Variants in MGAT4C observed in about 807,000 individuals in gnomAD.
MGAT4C encodes MGAT4 family member C.
Under a neutral mutation model 40.1 loss-of-function variants are expected in MGAT4C, and 19 were observed. The ratio of observed to expected loss-of-function variants is 0.47; its 90% CI spans 0.33 to 0.70. MGAT4C has a LOEUF of 0.70. Among genes scored for constraint, MGAT4C ranks in the 30% least tolerant of loss-of-function variants. The probability of loss-of-function intolerance (pLI) is 0.02; values close to 1 mark genes in which losing one functional copy is unlikely to be tolerated. For missense variants in MGAT4C, 491 were observed against 563.2 expected (o/e 0.87, Z 1.30); for synonymous variants, 181 against 187.1 (o/e 0.97, Z 0.27).
At chr12:86,361,360 T>C (rs1337027407) in intron 3 of MGAT4C, among the ~76,000 whole-genome samples, 66 of 152,164 alleles carry the variant, frequency 4.3e-4, no homozygotes, top group Non-Finnish European at 4.4e-5. Context: ...GACTTAAATG[T>C]TAGACCTAAA....
In MGAT4C at chr12:86,602,651, T is replaced by C. The variant is rs117142125; in HGVS notation, c.-229+124558A>G. Among the ~76,000 whole-genome samples, 67 of 152,316 alleles carry C rather than the reference T, an allele frequency of 4.4e-4. No homozygotes were observed. The East Asian group carries it at 0.012, about 27-fold the overall frequency. On this transcript the variant is annotated intron_variant, in intron 2 of 7. Transcript: ENST00000548651. ...AAAGTTATTTAAACTCTGCAGGAAT[T>C]ACTTTTTTAAATGTTTTCTGAACCT...
Position 86,401,157 on chromosome 12 carries a change from AT to A in MGAT4C, c.-120+33999del, listed in dbSNP as rs571663505. On this transcript the variant is annotated intron_variant, in intron 3 of 7. Transcript: ENST00000548651. ...AACTTAAATATTTTTGAACTCATGG[AT>A]TTTTTTTTATTTTTGGGTGTAAAAT... is the stretch of plus-strand genomic sequence containing the variant. Among the ~76,000 whole-genome samples, 768 of 151,182 alleles carry A rather than the reference AT, an allele frequency of 5.1e-3. 3 individuals carry two copies. Among genetic ancestry groups the A allele is most frequent in the Non-Finnish European group, 8.6e-3 (579 of 67,712 alleles).
At chr12:86,347,515 C>T (rs1312190083) in intron 3 of MGAT4C, among the ~76,000 whole-genome samples, 1 of 152,082 alleles carries the variant, frequency 6.6e-6, no homozygotes, top group Non-Finnish European at 1.5e-5. Flanking sequence ...GGAACAAATC[C>T]CGTTTGTCTC....
chr12:86,164,330 C>CT (rs994088894), intron 1 of MGAT4C, among the ~76,000 whole-genome samples: 3 of 152,274 alleles, frequency 2.0e-5, no homozygotes, highest in Middle Eastern at 3.4e-3. Flanking sequence ...TGTCCAATAT[C>CT]TTTAAAATTG....
Position 86,408,479 on chromosome 12 carries a change from C to CTCTCTATATA in MGAT4C, c.-120+26677_-120+26678insTATATAGAGA, listed in dbSNP as rs1267344319. ...TCTCTCTCTCTCTCTCTCTCTCTCTCTATATATATATATATATATATATAT... is the reference window on the plus strand; with the variant it reads ...TCTCTCTCTCTCTCTCTCTCTCTCTCTCTCTATATATATATATATATATATATATATATAT... On this transcript the variant is annotated intron_variant, in intron 3 of 7. Transcript: ENST00000548651. Among the ~76,000 whole-genome samples, 46 of 63,340 alleles carry CTCTCTATATA rather than the reference C, an allele frequency of 7.3e-4. 1 individual carries two copies. Among genetic ancestry groups the CTCTCTATATA allele is most frequent in the African/African-American group, 1.5e-3 (19 of 12,768 alleles). The allele number at this position is 63,340 out of a possible 152,430, so 41.6% of individuals were successfully genotyped here. A position where few individuals can be genotyped will look rare whatever the true frequency, so the allele number is the denominator to read the frequency against.
At chr12:86,196,288 GA>G (rs1234034931) in intron 1 of MGAT4C, among the ~76,000 whole-genome samples, 1 of 152,170 alleles carries the variant, frequency 6.6e-6, no homozygotes, top group Non-Finnish European at 1.5e-5. Flanking sequence ...AATTTCCTTA[GA>G]TATTAAGGCT....
chr12:86,690,637 C>G (rs1950156730), intron 2 of MGAT4C, among the ~76,000 whole-genome samples: 1 of 152,134 alleles, frequency 6.6e-6, no homozygotes, highest in Admixed American at 6.5e-5. Context: ...CCTCTGTGGG[C>G]TGCAGAAGTC....
intron 2 of MGAT4C, among the ~76,000 whole-genome samples, chr12:86,634,732 C>T (rs1418132095): frequency 6.6e-6 from 1 of 152,120 alleles, no homozygotes; most frequent in African/African-American, 2.4e-5. Context: ...AATAAGACAA[C>T]TTGCCTCTTC....
At chr12:86,529,236 C>G (rs1373172018) in intron 2 of MGAT4C, among the ~76,000 whole-genome samples, 1 of 152,060 alleles carries the variant, frequency 6.6e-6, no homozygotes, top group East Asian at 1.9e-4. Context: ...TATCTCCACT[C>G]ATAAAGTTCA....
intron 1 of MGAT4C, among the ~76,000 whole-genome samples, chr12:86,802,407 T>C (rs1952248698): frequency 6.6e-6 from 1 of 152,030 alleles, no homozygotes; most frequent in Admixed American, 6.6e-5. Context: ...TAAAATTCTG[T>C]ACATAGTACT....
At chr12:86,152,719 C>T (rs1178991615) in intron 1 of MGAT4C, among the ~76,000 whole-genome samples, 1 of 152,192 alleles carries the variant, frequency 6.6e-6, no homozygotes, top group Non-Finnish European at 1.5e-5. Context: ...GTGGCCATTA[C>T]ATACCAGGTA....
chr12:86,202,443 T>C (rs1365325926), intron 1 of MGAT4C, among the ~76,000 whole-genome samples: 1 of 152,068 alleles, frequency 6.6e-6, no homozygotes, highest in Non-Finnish European at 1.5e-5. Flanking sequence ...ACGTTCCACA[T>C]AGTAATGGAT....
intron 2 of MGAT4C, among the ~76,000 whole-genome samples, chr12:85,993,821 C>T (rs1886275546): frequency 6.6e-6 from 1 of 152,172 alleles, no homozygotes; most frequent in Non-Finnish European, 1.5e-5. Flanking sequence ...CCAGAGTCCC[C>T]AAGATGCATT....
At chr12:86,393,086 T>C (rs1257028376) in intron 3 of MGAT4C, among the ~76,000 whole-genome samples, 1 of 152,162 alleles carries the variant, frequency 6.6e-6, no homozygotes, top group Non-Finnish European at 1.5e-5. Context: ...TAATATTATC[T>C]TTCCAGGTTT....
chr12:86,295,459 G>C lies in MGAT4C; in HGVS notation c.-57+38606C>G, dbSNP rs1232503198. 2.0e-5 allele frequency among the ~76,000 whole-genome samples: 3 copies of C among 152,274 alleles called. No individual in the cohort carries two copies. In the East Asian group the frequency reaches 5.8e-4, roughly 29 times the overall value. ...TCGTGGTCTTGCTGGGCTCAGGAGT[G>C]AAGCTGCAGATTTTCGCAGTGAGTG... On this transcript the variant is annotated intron_variant, in intron 4 of 7. Transcript: ENST00000548651.
At chr12:86,007,749 T>C (rs1888045532) in intron 2 of MGAT4C, among the ~76,000 whole-genome samples, 1 of 152,116 alleles carries the variant, frequency 6.6e-6, no homozygotes, top group Non-Finnish European at 1.5e-5. Flanking sequence ...GTCAAGTTCA[T>C]TAATTTTTTA....
intron 1 of MGAT4C, among the ~76,000 whole-genome samples, chr12:86,194,882 G>A (rs920370432): frequency 2.0e-5 from 3 of 152,138 alleles, no homozygotes; most frequent in African/African-American, 2.4e-5. Flanking sequence ...AGTGTTTACC[G>A]AAGCCCATCT....
chr12:86,550,921 C>T (rs1201862721), intron 2 of MGAT4C, among the ~76,000 whole-genome samples: 3 of 152,220 alleles, frequency 2.0e-5, no homozygotes, highest in Non-Finnish European at 4.4e-5. Flanking sequence ...GGACATTTCT[C>T]TGCCGGGCCC....
intron 2 of MGAT4C, among the ~76,000 whole-genome samples, chr12:86,626,046 A>G (rs1323918379): frequency 6.6e-6 from 1 of 152,194 alleles, no homozygotes; most frequent in Non-Finnish European, 1.5e-5. Context: ...GATGAAAAGG[A>G]TGCAAATGTG....
Sources: gnomAD v4.1 joint callset for allele counts (sites outside exome capture counted in the v4.1 genomes callset) on GRCh38, gnomAD v4.1.1 for gene constraint, MANE v1.5 for transcripts, NCBI Gene and HGNC (gene_info 2026-07-23, HGNC 2026-07-21) for gene names.